ZFHX3: variants seen among roughly 807,000 people sequenced by gnomAD.
The protein encoded by ZFHX3 is zinc finger homeobox 3.
ZFHX3 carries 42 observed loss-of-function variants against 279.1 expected under a neutral mutation model. The observed-to-expected ratio is 0.15, with a 90% CI of 0.12 to 0.19. ZFHX3 has a LOEUF of 0.19. Among genes scored for constraint, ZFHX3 ranks in the 10% least tolerant of loss-of-function variants. The probability of loss-of-function intolerance (pLI) is 1.00; values close to 1 mark genes in which losing one functional copy is unlikely to be tolerated. For missense variants in ZFHX3, 4,981 were observed against 4,754.0 expected (o/e 1.05, Z -1.40); for synonymous variants, 2,293 against 1,957.8 (o/e 1.17, Z -4.52).
intron 5 of ZFHX3, among the ~76,000 whole-genome samples, chr16:73,168,211 T>TC (rs1967422435): frequency 4.9e-4 from 47 of 95,310 alleles, no homozygotes; most frequent in Admixed American, 4.7e-3. Context: ...GTTTCTTTTG[T>TC]TTTCTTTCTT....
chr16:73,460,316 T>G (rs1294931796), intron 2 of ZFHX3, among the ~76,000 whole-genome samples: 2 of 152,268 alleles, frequency 1.3e-5, no homozygotes, highest in African/African-American at 4.8e-5. Flanking sequence ...TTTTTATTGC[T>G]GAGTAGTATT....
chr16:73,525,370 T>G (rs572453230), intron 2 of ZFHX3, among the ~76,000 whole-genome samples: 1 of 152,334 alleles, frequency 6.6e-6, no homozygotes, highest in South Asian at 2.1e-4. Context: ...ATTTGTTTGC[T>G]GGAGTTTAGC....
chr16:73,043,467 T>C (rs1420622872), intron 1 of ZFHX3, among the ~76,000 whole-genome samples: 3 of 152,330 alleles, frequency 2.0e-5, no homozygotes, highest in South Asian at 2.1e-4. Flanking sequence ...TGAGCCCTTA[T>C]TCTTGTAAAA....
At chr16:72,917,148 G>A (rs1355300641) in intron 3 of ZFHX3, among the ~76,000 whole-genome samples, 10 of 152,182 alleles carry the variant, frequency 6.6e-5, no homozygotes, top group African/African-American at 2.2e-4. Context: ...GGCTGAGGTG[G>A]AAGGATTACT....
At chr16:73,058,696 T>TGGC (rs552488803) in exon 1 of ZFHX3, 2,436 of 169,920 alleles carry the variant, frequency 0.014, 25 homozygotes, top group African/African-American at 0.027. Context: ...GACGCGCTGC[T>TGGC]GGCGGCGGCG....
At chr16:73,509,706 T>A (rs1412816457) in intron 2 of ZFHX3, among the ~76,000 whole-genome samples, 2 of 137,498 alleles carry the variant, frequency 1.5e-5, no homozygotes, top group Non-Finnish European at 3.1e-5. Context: ...TTTTTTTTTT[T>A]TTCTTTTGAG....
intron 1 of ZFHX3, among the ~76,000 whole-genome samples, chr16:73,806,865 T>C (rs1322749744): frequency 6.6e-6 from 1 of 152,128 alleles, no homozygotes; most frequent in Non-Finnish European, 1.5e-5. Context: ...GGGGAAGTGG[T>C]TATTGGCTGT....
intron 7 of ZFHX3, among the ~76,000 whole-genome samples, chr16:73,109,937 C>T (rs761001433): frequency 7.9e-4 from 120 of 152,152 alleles, no homozygotes; most frequent in Middle Eastern, 3.4e-3. Flanking sequence ...ACTAATGATA[C>T]GACATTAAAG....
chr16:73,744,522 G>C (rs777063689), intron 1 of ZFHX3, among the ~76,000 whole-genome samples: 6 of 152,166 alleles, frequency 3.9e-5, no homozygotes, highest in Admixed American at 1.3e-4. Context: ...GGTCTAGACA[G>C]GTATAACAGT....
intron 4 of ZFHX3, among the ~76,000 whole-genome samples, chr16:73,271,491 G>A (rs1321319182): frequency 1.3e-5 from 2 of 152,180 alleles, no homozygotes; most frequent in Admixed American, 1.3e-4. Context: ...AGTCCACACT[G>A]CAGCCCCGCT....
intron 1 of ZFHX3, among the ~76,000 whole-genome samples, chr16:73,698,509 A>G (rs1441800476): frequency 6.6e-6 from 1 of 152,180 alleles, no homozygotes; most frequent in Non-Finnish European, 1.5e-5. Context: ...TACCATCTTA[A>G]CCAAGAAACC....
At chr16:73,486,134 G>A (rs1383258566) in intron 2 of ZFHX3, among the ~76,000 whole-genome samples, 1 of 152,222 alleles carries the variant, frequency 6.6e-6, no homozygotes, top group Admixed American at 6.5e-5. Flanking sequence ...GGGAACATAA[G>A]GCTGATTCAT....
At chr16:72,949,558 C>T (rs73592709) in intron 3 of ZFHX3, among the ~76,000 whole-genome samples, 6 of 152,078 alleles carry the variant, frequency 3.9e-5, no homozygotes, top group Admixed American at 6.5e-5. Flanking sequence ...GCACCTCCCC[C>T]TCGGTTGCCG....
intron 7 of ZFHX3, among the ~76,000 whole-genome samples, chr16:73,098,055 C>A (rs1330821158): frequency 6.9e-6 from 1 of 145,920 alleles, no homozygotes; most frequent in African/African-American, 2.5e-5. Context: ...CAAGTATCTG[C>A]GTCCCTTGTG....
intron 1 of ZFHX3, among the ~76,000 whole-genome samples, chr16:73,682,305 T>A (rs1227460467): frequency 6.6e-6 from 1 of 152,166 alleles, no homozygotes; most frequent in African/African-American, 2.4e-5. Flanking sequence ...ATTATATATA[T>A]TTTGACAATA....
intron 5 of ZFHX3, among the ~76,000 whole-genome samples, chr16:73,159,500 T>C (rs2144854739): frequency 6.6e-6 from 1 of 152,234 alleles, no homozygotes; most frequent in South Asian, 2.1e-4. Context: ...GTGAAGAAGC[T>C]TGGGGTTGCC....
chr16:73,265,641 G>A (rs1006541609), intron 4 of ZFHX3, among the ~76,000 whole-genome samples: 3 of 152,154 alleles, frequency 2.0e-5, no homozygotes, highest in African/African-American at 7.2e-5. Flanking sequence ...GAGGAAATCT[G>A]TGTCATCGCC....
chr16:73,486,813 C>T (rs146464158), intron 2 of ZFHX3: 105 of 455,842 alleles, frequency 2.3e-4, no homozygotes, highest in Admixed American at 3.8e-4. Context: ...TTCAATGTAC[C>T]GTGGTCCACT....
At chr16:73,866,547 A>G (rs1962026476) in intron 1 of ZFHX3, among the ~76,000 whole-genome samples, 1 of 152,084 alleles carries the variant, frequency 6.6e-6, no homozygotes, top group South Asian at 2.1e-4. Flanking sequence ...CTTTTCAAAG[A>G]GTTTGGGCCT....
Sources: gnomAD v4.1 joint callset for allele counts (sites outside exome capture counted in the v4.1 genomes callset) on GRCh38, gnomAD v4.1.1 for gene constraint, MANE v1.5 for transcripts, NCBI Gene and HGNC (gene_info 2026-07-23, HGNC 2026-07-21) for gene names.